The following ZER1 variants were observed in gnomAD, a reference collection of about 807,000 sequenced individuals.
The protein encoded by ZER1 is zyg-11 related cell cycle regulator.
Under a neutral mutation model 78.8 loss-of-function variants are expected in ZER1, and 11 were observed. The ratio of observed to expected loss-of-function variants is 0.14; its 90% CI spans 0.09 to 0.23. ZER1 has a LOEUF of 0.23. Among genes scored for constraint, ZER1 ranks in the 10% least tolerant of loss-of-function variants. The pLI is 1.00. For missense variants in ZER1, 588 were observed against 996.9 expected, an observed-to-expected ratio of 0.59 and a Z score of 5.52; for synonymous variants, 400 against 407.0, an observed-to-expected ratio of 0.98 and a Z score of 0.21.
chr9:128,752,378 G>A (rs1473994450), intron 5 of ZER1, among the ~76,000 whole-genome samples: 2 of 151,260 alleles, frequency 1.3e-5, no homozygotes, highest in African/African-American at 4.9e-5. Context: ...AGGCTGGAGT[G>A]CAGTGGCGCG....
chr9:128,732,306 G>GCCACCTC lies in ZER1; in HGVS notation c.2244-919_2244-913dup, dbSNP rs1862855792. ...CCTTGTTAACCATGAAAATTCCAGGGCCACCTCCCACCTCCCGGATGTACT... is the reference window on the plus strand; with the variant it reads ...CCTTGTTAACCATGAAAATTCCAGGGCCACCTCCCACCTCCCACCTCCCGGATGTACT... On this transcript the variant is annotated intron_variant, in intron 15 of 15. Transcript: ENST00000291900. This position sits in a 1 kb window ranked among gnomAD's most constrained non-coding sequence, Gnocchi z 4.8. Among the ~76,000 whole-genome samples the GCCACCTC allele has an allele frequency of 6.6e-6, 1 of 152,184 alleles. No individual in the cohort carries two copies. Among genetic ancestry groups the GCCACCTC allele is most frequent in the Non-Finnish European group, 1.5e-5 (1 of 68,028 alleles).
At position 128,730,542 on chromosome 9, in the gene ZER1, T is replaced by C. The variant is rs1227040171; in HGVS notation, c.*795A>G. The C allele has an allele frequency of 6.5e-6, 1 of 152,860 alleles. No individual in the cohort carries two copies. The highest frequency in any genetic ancestry group is 2.4e-5 in the African/African-American group (1 of 41,462). The allele number at this position is 152,860 out of a possible 1,614,324, so 9.5% of individuals were successfully genotyped here. On this transcript the variant is annotated 3_prime_UTR_variant, in exon 16 of 16. Coordinates refer to ENST00000291900, the MANE Select transcript of ZER1 (RefSeq NM_006336.4). ...GGCTGAGGGCAGGTTCTGGATGTGT[T>C]TGGCAGAAGGGGCAGTGGAATCTGC... is the stretch of plus-strand genomic sequence containing the variant.
chr9:128,759,707 A>G (rs1863981578), intron 1 of ZER1, among the ~76,000 whole-genome samples: 1 of 151,808 alleles, frequency 6.6e-6, no homozygotes, highest in Non-Finnish European at 1.5e-5. Flanking sequence ...AGGCAGGAGA[A>G]TGGCGTGAAC....
rs1202871016 is a variant in ZER1, at chr9:128,771,601, G to GC, written c.-116dup. On this transcript the variant is annotated 5_prime_UTR_variant, in exon 1 of 16. Coordinates refer to ENST00000291900, the MANE Select transcript of ZER1 (RefSeq NM_006336.4). ...CCTACCCTGGACGGGGCTGCCCTCA[G>GC]CGTCGGGAAGCGGACGTGATGCTTC... The GC allele has an allele frequency of 2.0e-5, 3 of 152,426 alleles. No homozygotes were observed. The highest frequency in any genetic ancestry group is 2.9e-5 in the Non-Finnish European group (2 of 68,202). The allele number at this position is 152,426 out of a possible 1,614,324, so 9.4% of individuals were successfully genotyped here. A position where few individuals can be genotyped will look rare whatever the true frequency, so the allele number is the denominator to read the frequency against.
chr9:128,750,741 C>G lies in ZER1; in HGVS notation c.1234G>C (p.Val412Leu). 1 of 1,614,214 alleles carries G rather than the reference C, an allele frequency of 6.2e-7. No homozygotes were observed. The highest frequency in any genetic ancestry group is 2.2e-5 in the East Asian group (1 of 44,890). The change falls in exon 8 of 16, where the codon GTG (valine) becomes CTG (leucine). Residue 412 changes from valine to leucine, a missense_variant. Physicochemically the swap from Val to Leu is conservative, Grantham distance 32. Coordinates refer to ENST00000291900, the MANE Select transcript of ZER1 (RefSeq NM_006336.4). ...TAGAAGAGAGCGGCGCTGCCTGTCA[C>G]TTGAATGTTCCTGTCATATTTGTGG... ...KCHKYDRNIQVTGSAALFYLT... is the reference protein window; with the variant it reads ...KCHKYDRNIQLTGSAALFYLT...
intron 1 of ZER1, among the ~76,000 whole-genome samples, chr9:128,756,534 G>A (rs1863864805): frequency 6.6e-6 from 1 of 152,288 alleles, no homozygotes; most frequent in East Asian, 1.9e-4. Flanking sequence ...TCAACAAAAT[G>A]TTACATATTC....
chr9:128,733,217 C>G (rs756978920), intron 15 of ZER1: 3 of 508,370 alleles, frequency 5.9e-6, no homozygotes, highest in Non-Finnish European at 1.1e-5. Flanking sequence ...TGCTCCGTTC[C>G]GAGCTTGGTC....
chr9:128,741,388 G>A, intron 11 of ZER1, 147 bp downstream of exon 11: 1 of 1,230,472 alleles, frequency 8.1e-7, no homozygotes, highest in Non-Finnish European at 1.2e-6. Context: ...CAAATCCTGG[G>A]TGGGTGGGCC....
At chr9:128,761,643 C>T (rs1281368004) in intron 1 of ZER1, among the ~76,000 whole-genome samples, 5 of 141,736 alleles carry the variant, frequency 3.5e-5, no homozygotes, top group African/African-American at 1.1e-4. Flanking sequence ...CTCACTCTGT[C>T]ACCCAGGCTG....
chr9:128,742,479 G>A, intron 9 of ZER1, 51 bp downstream of exon 9: 1 of 1,601,362 alleles, frequency 6.2e-7, no homozygotes, highest in Non-Finnish European at 8.5e-7. Flanking sequence ...TAGAGGGGTG[G>A]GGGAGAGCAG....
chr9:128,732,131 T>C lies in ZER1; in HGVS notation c.2244-737A>G, dbSNP rs1376445485. Among the ~76,000 whole-genome samples the C allele has an allele frequency of 6.6e-6, 1 of 152,172 alleles. No homozygotes were observed. The highest frequency in any genetic ancestry group is 2.4e-5 in the African/African-American group (1 of 41,446). ...AGGTCAGTGGACAGGCCGAGGGCCT[T>C]CTCCTAAGCATTGTCCAGGGTCATT... On this transcript the variant is annotated intron_variant, in intron 15 of 15. Transcript: ENST00000291900. This position sits in a 1 kb window ranked among gnomAD's most constrained non-coding sequence, Gnocchi z 4.8.
At chr9:128,750,402 C>A (rs979297326) in intron 8 of ZER1, among the ~76,000 whole-genome samples, 54 of 152,254 alleles carry the variant, frequency 3.5e-4, no homozygotes, top group Admixed American at 7.8e-4. Flanking sequence ...GTCCCTGGGC[C>A]CCCACCCCCA....
intron 1 of ZER1, among the ~76,000 whole-genome samples, chr9:128,760,013 G>C (rs1407954345): frequency 6.6e-6 from 1 of 151,900 alleles, no homozygotes; most frequent in Non-Finnish European, 1.5e-5. Flanking sequence ...TTGAGTAGCT[G>C]GGACCACAGG....
chr9:128,739,583 T>C (rs569642025), intron 13 of ZER1, among the ~76,000 whole-genome samples: 13 of 152,112 alleles, frequency 8.5e-5, no homozygotes, highest in Non-Finnish European at 1.2e-4. Context: ...GCTGGGATTA[T>C]GGGCAAGAGC....
chr9:128,734,194 AATAGAT>A (rs1358363980), intron 14 of ZER1, among the ~76,000 whole-genome samples: 5 of 105,284 alleles, frequency 4.7e-5, no homozygotes, highest in African/African-American at 1.2e-4. Flanking sequence ...ATATATATAT[AATAGAT>A]ATAATTTTTT....
chr9:128,743,508 A>C (rs559844686), intron 8 of ZER1, among the ~76,000 whole-genome samples: 1 of 151,570 alleles, frequency 6.6e-6, no homozygotes, highest in Admixed American at 6.6e-5. Flanking sequence ...TGCAGCATCA[A>C]CCTCTGGGGC....
chr9:128,742,385 T>C (rs1432554856), intron 9 of ZER1, 145 bp downstream of exon 9: 1 of 914,442 alleles, frequency 1.1e-6, no homozygotes, highest in Non-Finnish European at 1.7e-6. Context: ...CTTCCTTTGG[T>C]CTAGCCTAAA....
intron 1 of ZER1, among the ~76,000 whole-genome samples, chr9:128,766,373 T>C (rs955881738): frequency 6.7e-6 from 1 of 148,854 alleles, no homozygotes; most frequent in Non-Finnish European, 1.5e-5. Context: ...AAAAGAACTC[T>C]GTTAAGTATT....
chr9:128,742,904 T>G (rs1386387831), intron 8 of ZER1, among the ~76,000 whole-genome samples, 159 bp from the exon 9 acceptor site: 2 of 152,154 alleles, frequency 1.3e-5, no homozygotes, highest in East Asian at 3.8e-4. Context: ...AAAATGTTTT[T>G]TAAAAATGTG....
Sources: allele counts gnomAD v4.1 joint callset (sites outside exome capture counted in the v4.1 genomes callset), GRCh38; gene constraint gnomAD v4.1.1; non-coding constraint Gnocchi (gnomAD v3.1); transcripts MANE v1.5; gene names NCBI Gene and HGNC (gene_info 2026-07-23, HGNC 2026-07-21).